Variants in RSRC1 observed in about 807,000 individuals in gnomAD.
The protein encoded by RSRC1 is arginine and serine rich coiled-coil 1, also known as serine/Arginine-related protein 53.
Under a neutral mutation model 49.1 loss-of-function variants are expected in RSRC1, and 39 were observed. The ratio of observed to expected loss-of-function variants is 0.79; its 90% confidence interval spans 0.61 to 1.04. The LOEUF (loss-of-function observed/expected upper bound fraction) is 1.04. Among genes scored for constraint, RSRC1 ranks in the 50% least tolerant of loss-of-function variants. The probability of loss-of-function intolerance (pLI) is 0.00; values close to 1 mark genes in which losing one functional copy is unlikely to be tolerated. For missense variants in RSRC1, 388 were observed against 402.4 expected, an observed-to-expected ratio of 0.96 and a Z score of 0.31; for synonymous variants, 143 against 130.8, an observed-to-expected ratio of 1.09 and a Z score of -0.63.
At chr3:158,484,756 T>C (rs749084655) in intron 7 of RSRC1, among the ~76,000 whole-genome samples, 4 of 152,070 alleles carry the variant, frequency 2.6e-5, no homozygotes, top group Non-Finnish European at 5.9e-5. Flanking sequence ...AATAAGAGTA[T>C]ACATAAAGAG....
At chr3:158,259,407 C>T (rs1055758023) in intron 4 of RSRC1, among the ~76,000 whole-genome samples, 1 of 152,064 alleles carries the variant, frequency 6.6e-6, no homozygotes, top group Non-Finnish European at 1.5e-5. Flanking sequence ...ACTCTTGTTC[C>T]CTTCCCTTTC....
At chr3:158,520,591 G>C (rs1442319661) in intron 7 of RSRC1, among the ~76,000 whole-genome samples, 2 of 152,090 alleles carry the variant, frequency 1.3e-5, no homozygotes, top group Non-Finnish European at 2.9e-5. Context: ...TGTTTTTACT[G>C]TCTGCCTAAT....
At chr3:158,323,352 C>T (rs1162800655) in intron 5 of RSRC1, among the ~76,000 whole-genome samples, 11 of 152,234 alleles carry the variant, frequency 7.2e-5, no homozygotes, top group East Asian at 1.9e-4. Flanking sequence ...GCAGAGGTCA[C>T]GGTCGAATAC....
intron 4 of RSRC1, among the ~76,000 whole-genome samples, chr3:158,283,543 T>G (rs1352097826): frequency 2.0e-5 from 3 of 152,200 alleles, no homozygotes; most frequent in African/African-American, 4.8e-5. Flanking sequence ...GACCATTTCG[T>G]GAAAATACAT....
intron 5 of RSRC1, among the ~76,000 whole-genome samples, chr3:158,329,212 C>A (rs751817915): frequency 8.5e-5 from 13 of 152,118 alleles, no homozygotes; most frequent in Non-Finnish European, 8.8e-5. Context: ...GAAGTTTGAT[C>A]GTCTGAAACT....
intron 3 of RSRC1, among the ~76,000 whole-genome samples, chr3:158,170,013 A>G (rs1157094408): frequency 6.6e-6 from 1 of 152,142 alleles, no homozygotes; most frequent in Non-Finnish European, 1.5e-5. Context: ...ATCTGGGCTT[A>G]CTATATTGAT....
chr3:158,368,042 G>GA (rs5853824), intron 6 of RSRC1, among the ~76,000 whole-genome samples: 1 of 151,482 alleles, frequency 6.6e-6, no homozygotes, highest in East Asian at 1.9e-4. Flanking sequence ...CGTTTAGTAG[G>GA]AAAAAAAAAG....
At chr3:158,232,229 A>C (rs1205539578) in intron 4 of RSRC1, among the ~76,000 whole-genome samples, 1 of 104,104 alleles carries the variant, frequency 9.6e-6, no homozygotes, top group African/African-American at 3.8e-5. Flanking sequence ...ATTTATATTT[A>C]CTTTAAAAAG....
intron 3 of RSRC1, among the ~76,000 whole-genome samples, chr3:158,179,372 C>T (rs1471549188): frequency 6.6e-6 from 1 of 152,184 alleles, no homozygotes; most frequent in African/African-American, 2.4e-5. Flanking sequence ...ATAGTGCCCT[C>T]TTTTGGCAAA....
At chr3:158,497,527 C>G (rs969163572) in intron 7 of RSRC1, among the ~76,000 whole-genome samples, 1 of 151,910 alleles carries the variant, frequency 6.6e-6, no homozygotes, top group Admixed American at 6.5e-5. Context: ...ACCTCTGCCC[C>G]CCGGGTTCAA....
At chr3:158,369,304 TA>T (rs1731943198) in intron 6 of RSRC1, among the ~76,000 whole-genome samples, 1 of 152,154 alleles carries the variant, frequency 6.6e-6, no homozygotes, top group South Asian at 2.1e-4. Context: ...GATTCAATTC[TA>T]AAATATGTGC....
chr3:158,267,858 C>CTTTTTTTTTTT lies in RSRC1; in HGVS notation c.495-30180_495-30179insTTTTTTTTTTT, dbSNP rs377128391. ...TTTCTTATGCTGTTTGTTTCCATATCTATTTTTTTTTTTTTTTTTTGGCTT... is the reference window on the plus strand; with the variant it reads ...TTTCTTATGCTGTTTGTTTCCATATCTTTTTTTTTTTTATTTTTTTTTTTTTTTTTTGGCTT... On this transcript the variant is annotated intron_variant, in intron 4 of 9. Transcript: ENST00000611884. Among the ~76,000 whole-genome samples, 37 of 91,188 alleles carry CTTTTTTTTTTT rather than the reference C, an allele frequency of 4.1e-4. 2 individuals are homozygous for CTTTTTTTTTTT. Among genetic ancestry groups the CTTTTTTTTTTT allele is most frequent in the South Asian group, 4.1e-4 (1 of 2,410 alleles). 59.8% of individuals were successfully genotyped at this position (91,188 alleles called of 152,430 possible). A position where few individuals can be genotyped will look rare whatever the true frequency, so the allele number is the denominator to read the frequency against.
chr3:158,115,237 G>C (rs1300897678), intron 1 of RSRC1, among the ~76,000 whole-genome samples: 1 of 152,038 alleles, frequency 6.6e-6, no homozygotes, highest in Non-Finnish European at 1.5e-5. Flanking sequence ...TTCTATTATG[G>C]ATAAATTATG....
Position 158,148,702 on chromosome 3 carries a change from AAAAT to A in RSRC1, c.320+24715_320+24718del, listed in dbSNP as rs534018126. Among the ~76,000 whole-genome samples, 469 of 152,310 alleles carry A rather than the reference AAAAT, an allele frequency of 3.1e-3. 2 individuals carry two copies. The highest frequency in any genetic ancestry group is 4.9e-3 in the Admixed American group (75 of 15,286). On this transcript the variant is annotated intron_variant, in intron 3 of 9. Coordinates refer to ENST00000611884, the MANE Select transcript of RSRC1 (RefSeq NM_001271838.2). ...GTTAAGAAAGAAAAGCAAAAAATAA[AAAAT>A]AAAAAAAGACGGTATTTCATTCTAG...
intron 4 of RSRC1, among the ~76,000 whole-genome samples, chr3:158,257,275 C>T (rs1361793097): frequency 6.6e-6 from 1 of 151,948 alleles, no homozygotes; most frequent in East Asian, 1.9e-4. Flanking sequence ...ACACTGGTGT[C>T]TTTGTTCTTA....
intron 6 of RSRC1, among the ~76,000 whole-genome samples, chr3:158,396,191 G>A (rs893993735): frequency 9.9e-5 from 15 of 152,014 alleles, no homozygotes; most frequent in African/African-American, 1.2e-4. Context: ...GCCTACTTAC[G>A]GCAGAGGTTG....
At chr3:158,475,745 TC>T (rs1560058677) in intron 7 of RSRC1, among the ~76,000 whole-genome samples, 21 of 146,396 alleles carry the variant, frequency 1.4e-4, no homozygotes, top group Middle Eastern at 3.5e-3. Context: ...TCTCTCTCTC[TC>T]CCTGGCCTGG....
intron 3 of RSRC1, among the ~76,000 whole-genome samples, chr3:158,181,497 C>A (rs1313179067): frequency 6.6e-6 from 1 of 152,136 alleles, no homozygotes; most frequent in Non-Finnish European, 1.5e-5. Flanking sequence ...GCATAAAATT[C>A]AGAATATGTG....
rs1738432613 is a variant in RSRC1, at chr3:158,477,798, T to TATA, written c.652+16795_652+16796insATA. Among the ~76,000 whole-genome samples, 14 of 89,772 alleles carry TATA rather than the reference T, an allele frequency of 1.6e-4. 1 individual carries two copies. Among genetic ancestry groups the TATA allele is most frequent in the African/African-American group, 6.5e-4 (14 of 21,624 alleles). The allele number at this position is 89,772 out of a possible 152,430, so 58.9% of individuals were successfully genotyped here. On this transcript the variant is annotated intron_variant, in intron 7 of 9. Transcript: ENST00000611884. ...TGATGGGATAGGTTGCGGGAGGGAT[T>TATA]TATATATATATATATATATATATAT...
Sources: gnomAD v4.1 joint callset for allele counts (sites outside exome capture counted in the v4.1 genomes callset) on GRCh38, gnomAD v4.1.1 for gene constraint, MANE v1.5 for transcripts, NCBI Gene and HGNC (gene_info 2026-07-23, HGNC 2026-07-21) for gene names.